Variants in ERCC6 observed in about 807,000 individuals in gnomAD.
The protein encoded by ERCC6 is ERCC excision repair 6, chromatin remodeling factor.
ERCC6 carries 116 observed loss-of-function variants against 158.7 expected under a neutral mutation model. The ratio of observed to expected loss-of-function variants is 0.73; its 90% CI spans 0.63 to 0.85. The LOEUF (loss-of-function observed/expected upper bound fraction) is 0.85. ERCC6 is among the 40% of genes least tolerant of loss of function. ERCC6 has a pLI of 0.00. For synonymous variants in ERCC6, 678 were observed against 659.3 expected (o/e 1.03, Z -0.43); for missense variants, 1,698 against 1,799.4 (o/e 0.94, Z 1.02).
intron 8 of ERCC6, among the ~76,000 whole-genome samples, chr10:49,486,959 T>C (rs992401753): frequency 1.3e-5 from 2 of 152,228 alleles, no homozygotes; most frequent in African/African-American, 2.4e-5. Flanking sequence ...AGATAAAACC[T>C]AGTAATATAT....
At chr10:49,523,380 A>G (rs1467693100) in intron 5 of ERCC6, among the ~76,000 whole-genome samples, 2 of 152,184 alleles carry the variant, frequency 1.3e-5, no homozygotes, top group African/African-American at 4.8e-5. Context: ...CTTCCCTTTT[A>G]TGGTGCTTGC....
At position 49,479,326 on chromosome 10, in the gene ERCC6, GAA is replaced by G. The variant is rs1035083387; in HGVS notation, c.2170-858_2170-857del. Reference sequence around the variant, plus strand: ...AAAAAAGAGCTTGACCACACACACAGAAAAAAAAGTTAAAAAATTAACTTGTT... The same window carrying G: ...AAAAAAGAGCTTGACCACACACACAGAAAAAAGTTAAAAAATTAACTTGTT... On this transcript the variant is annotated intron_variant, in intron 10 of 20. Coordinates refer to ENST00000355832, the MANE Select transcript of ERCC6 (RefSeq NM_000124.4). 2.0e-5 allele frequency among the ~76,000 whole-genome samples: 3 copies of G among 151,592 alleles called. No individual in the cohort carries two copies. The East Asian group carries it at 5.8e-4, about 29-fold the overall frequency.
chr10:49,463,513 A>C (rs537160754), intron 18 of ERCC6, among the ~76,000 whole-genome samples: 1 of 152,380 alleles, frequency 6.6e-6, no homozygotes, highest in East Asian at 1.9e-4. Context: ...ACAGAAGATA[A>C]TATAGTATAC....
chr10:49,510,071 A>C (rs1851508046), intron 5 of ERCC6, among the ~76,000 whole-genome samples: 1 of 152,092 alleles, frequency 6.6e-6, no homozygotes, highest in South Asian at 2.1e-4. Flanking sequence ...TGGTTTCCCT[A>C]CATTCAGGTA....
At position 49,500,594 on chromosome 10, in the gene ERCC6, A is replaced by T; in HGVS notation, c.1629T>A (p.Ile543=). Residue 543 remains isoleucine, a synonymous_variant, in exon 7 of 21, where the codon ATT becomes ATA. Transcript: ENST00000355832. ...EMGLGKTIQI[I]AFLAGLSYSK... is the part of the protein sequence containing the mutation. ...TGTAGCTCAGACCTGCCAAGAAGGC[A>T]ATTATCTGGATGGTCTTGCCCAATC... 6.2e-7 allele frequency: 1 copy of T among 1,614,022 alleles called. No individual in the cohort carries two copies. Among genetic ancestry groups the T allele is most frequent in the Non-Finnish European group, 8.5e-7 (1 of 1,179,926 alleles).
intron 1 of ERCC6, among the ~76,000 whole-genome samples, chr10:49,537,116 C>A (rs546864621): frequency 5.9e-5 from 9 of 151,990 alleles, no homozygotes; most frequent in African/African-American, 1.9e-4. Context: ...GAGGCCGAGG[C>A]GGGAGGATCA....
chr10:49,461,381 CCT>C lies in ERCC6; in HGVS notation c.3952_3953del (p.Arg1318GlyfsTer12), dbSNP rs765825423. 2.2e-5 allele frequency: 35 copies of C among 1,613,620 alleles called. No homozygotes were observed. The highest frequency in any genetic ancestry group is 2.8e-5 in the Non-Finnish European group (33 of 1,180,052). ...TTCCTGCTGGTGCACCAGAAATCCC[CCT>C]GTGGCCAGTCCAGGTGGGAACACCA... ...VSGVPTWTGH[R>X]GISGAPAGKK... On this transcript the variant is annotated frameshift_variant, in exon 19 of 21. Coordinates refer to ENST00000355832, the MANE Select transcript of ERCC6 (RefSeq NM_000124.4). LOFTEE classifies it high-confidence loss of function.
In ERCC6 at chr10:49,470,588, AC is replaced by A. The variant is rs2132537341; in HGVS notation, c.3371del (p.Ser1124MetfsTer28). 6.2e-7 allele frequency: 1 copy of A among 1,614,004 alleles called. No homozygotes were observed. Among genetic ancestry groups the A allele is most frequent in the Non-Finnish European group, 8.5e-7 (1 of 1,179,968 alleles). On this transcript the variant is annotated frameshift_variant, in exon 18 of 21. Transcript: ENST00000355832. LOFTEE classifies it high-confidence loss of function. ...VSGPEELSVI[S>X]GNGECSNSSG... Reference sequence around the variant, plus strand: ...AAGAATTTGAACATTCCCCATTTCCACTAATCACTGACAACTCTTCTGGTCC... The same window carrying A: ...AAGAATTTGAACATTCCCCATTTCCATAATCACTGACAACTCTTCTGGTCC...
At chr10:49,511,463 C>T (rs966445907) in intron 5 of ERCC6, among the ~76,000 whole-genome samples, 2 of 148,606 alleles carry the variant, frequency 1.3e-5, no homozygotes, top group East Asian at 3.9e-4. Flanking sequence ...CTCACTCTGT[C>T]ACGTCAGCTG....
intron 12 of ERCC6, among the ~76,000 whole-genome samples, chr10:49,474,877 A>T (rs979341342): frequency 4.6e-5 from 7 of 152,222 alleles, no homozygotes; most frequent in Non-Finnish European, 7.3e-5. Context: ...CATTAACAAA[A>T]CTTCAATAAT....
Position 49,488,948 on chromosome 10 carries a change from C to T in ERCC6, c.1821+4169G>A, listed in dbSNP as rs1590424015. 2.0e-5 allele frequency among the ~76,000 whole-genome samples: 3 copies of T among 152,080 alleles called. No individual in the cohort carries two copies. In the South Asian group the frequency reaches 6.2e-4, roughly 32 times the overall value. Reference sequence around the variant, plus strand: ...ACAAGGTGCCTGCCACCACGCCTGGCTAATTTTTTGTATTTTTAGTAGAGA... The same window carrying T: ...ACAAGGTGCCTGCCACCACGCCTGGTTAATTTTTTGTATTTTTAGTAGAGA... On this transcript the variant is annotated intron_variant, in intron 8 of 20. Transcript: ENST00000355832.
chr10:49,515,988 C>A, intron 5 of ERCC6: 1 of 1,614,188 alleles, frequency 6.2e-7, no homozygotes, highest in Non-Finnish European at 8.5e-7. Flanking sequence ...GTGATCCTTT[C>A]TCACTGTACC....
At chr10:49,436,739 G>A in the ERCC6 span, among the ~76,000 whole-genome samples, 1 of 152,176 alleles carries the variant, frequency 6.6e-6, no homozygotes, top group Admixed American at 6.5e-5. Flanking sequence ...CTATGTCCAA[G>A]AGACAACCTC....
At chr10:49,475,413 T>A (rs773636669) in intron 12 of ERCC6, 39 of 452,154 alleles carry the variant, frequency 8.6e-5, no homozygotes, top group South Asian at 5.2e-4. Flanking sequence ...GATAGTGTGA[T>A]CTAGACCCCC....
At position 49,530,515 on chromosome 10, in the gene ERCC6, T is replaced by C. The variant is rs369030008; in HGVS notation, c.543+205A>G. On this transcript the variant is annotated intron_variant, in intron 3 of 20. Transcript: ENST00000355832. ...GTATGGATGTGTGTGTCTATGTATG[T>C]GTGTTTTTTTAAATGCAATAGAATG... is the stretch of plus-strand genomic sequence containing the variant. 2.0e-4 allele frequency among the ~76,000 whole-genome samples: 31 copies of C among 152,308 alleles called. No homozygotes were observed. The East Asian group carries it at 5.0e-3, about 25-fold the overall frequency.
intron 10 of ERCC6, 112 bp downstream of exon 10, chr10:49,482,575 T>G: frequency 4.9e-6 from 4 of 820,572 alleles, no homozygotes; most frequent in Non-Finnish European, 7.4e-6. Context: ...TACCAATTTA[T>G]GAGCCTGGCC....
At chr10:49,517,513 C>T (rs1388886017) in intron 5 of ERCC6, among the ~76,000 whole-genome samples, 1 of 152,194 alleles carries the variant, frequency 6.6e-6, no homozygotes, top group Admixed American at 6.5e-5. Flanking sequence ...GCATGAATAA[C>T]TCCCACATGC....
intron 12 of ERCC6, among the ~76,000 whole-genome samples, chr10:49,474,678 C>T (rs1011381488): frequency 6.6e-6 from 1 of 152,162 alleles, no homozygotes; most frequent in African/African-American, 2.4e-5. Context: ...CTAATTACCT[C>T]ACTAAAAGTT....
chr10:49,490,678 G>A (rs1316802969), intron 8 of ERCC6, among the ~76,000 whole-genome samples: 1 of 152,134 alleles, frequency 6.6e-6, no homozygotes, highest in African/African-American at 2.4e-5. Flanking sequence ...TGTCATACCA[G>A]CTACAACAAA....
Sources: allele counts gnomAD v4.1 joint callset (sites outside exome capture counted in the v4.1 genomes callset), GRCh38; gene constraint gnomAD v4.1.1; transcripts MANE v1.5; gene names NCBI Gene and HGNC (gene_info 2026-07-23, HGNC 2026-07-21).